The following KCNH8 variants were observed in gnomAD, a reference collection of about 807,000 sequenced individuals.
KCNH8 encodes the protein voltage-gated delayed rectifier potassium channel KCNH8.
In KCNH8, 70 loss-of-function variants were observed where a neutral mutation model predicts 103.6. The ratio of observed to expected loss-of-function variants is 0.68; its 90% CI spans 0.56 to 0.82. The LOEUF is 0.82. KCNH8 is among the 40% of genes least tolerant of loss of function. The pLI, the probability that KCNH8 is intolerant of heterozygous loss-of-function variation, is 0.00. For missense variants in KCNH8, 1,217 were observed against 1,329.9 expected (o/e 0.92, Z 1.32); for synonymous variants, 498 against 489.4 (o/e 1.02, Z -0.23).
intron 1 of KCNH8, among the ~76,000 whole-genome samples, chr3:19,150,450 A>G (rs2125177614): frequency 6.6e-6 from 1 of 152,238 alleles, no homozygotes; most frequent in Middle Eastern, 3.4e-3. Flanking sequence ...GTAATTGTTT[A>G]TCTCATTGCC....
Position 19,281,292 on chromosome 3 carries a change from T to C in KCNH8, c.405T>C (p.Asp135=), listed in dbSNP as rs1339802007. 6.2e-7 allele frequency: 1 copy of C among 1,610,044 alleles called. No individual in the cohort carries two copies. Residue 135 remains aspartate, a synonymous_variant, in exon 3 of 16, where the codon GAT becomes GAC. Coordinates refer to ENST00000328405, the MANE Select transcript of KCNH8 (RefSeq NM_144633.3). ...LFLASFKDIT[D]TKVKITPEDK... is the part of the protein sequence containing the mutation. ...TGGCCTCGTTCAAAGATATAACAGA[T>C]ACAAAAGTGAAGATTACTCCAGAAG...
chr3:19,351,461 A>G (rs1268785370), intron 5 of KCNH8, among the ~76,000 whole-genome samples: 1 of 152,172 alleles, frequency 6.6e-6, no homozygotes, highest in Non-Finnish European at 1.5e-5. Context: ...AAATGAAGGA[A>G]AAAATGTTAA....
chr3:19,275,628 A>G (rs150273082), intron 2 of KCNH8, among the ~76,000 whole-genome samples: 7 of 152,264 alleles, frequency 4.6e-5, no homozygotes, highest in African/African-American at 1.4e-4. Flanking sequence ...AAGAACCATT[A>G]CTTTCATCTC....
At chr3:19,411,597 A>G (rs1172064970) in intron 7 of KCNH8, among the ~76,000 whole-genome samples, 3 of 152,070 alleles carry the variant, frequency 2.0e-5, no homozygotes, top group Non-Finnish European at 4.4e-5. Context: ...ATATGATTCT[A>G]CACCTTGAAA....
chr3:19,153,450 A>C (rs887868173), intron 1 of KCNH8, among the ~76,000 whole-genome samples: 6 of 152,080 alleles, frequency 3.9e-5, no homozygotes, highest in Non-Finnish European at 5.9e-5. Context: ...GGCCAATGAG[A>C]CTGGCAAAGG....
In KCNH8 at chr3:19,438,304, G is replaced by T; in HGVS notation, c.1318G>T (p.Val440Phe). The change falls in exon 8 of 16, where the codon GTC becomes TTC. Residue 440 changes from valine (V) to phenylalanine (F), a missense_variant. Coordinates refer to ENST00000328405, the MANE Select transcript of KCNH8 (RefSeq NM_144633.3). ...CCTCACCAGCGTGGGTTTTGGGAAC[G>T]TCTCTGCTAATACAGATGCAGAAAA... ...SSLTSVGFGN[V>F]SANTDAEKIF... The T allele has an allele frequency of 1.2e-6, 2 of 1,614,068 alleles. No individual in the cohort carries two copies. Among genetic ancestry groups the T allele is most frequent in the Non-Finnish European group, 1.7e-6 (2 of 1,180,002 alleles).
intron 7 of KCNH8, among the ~76,000 whole-genome samples, chr3:19,414,175 C>T (rs555441614): frequency 6.6e-6 from 1 of 152,044 alleles, no homozygotes; most frequent in East Asian, 1.9e-4. Flanking sequence ...TCTGCTAGGC[C>T]CAGTAGCTTT....
At chr3:19,494,396 G>A (rs1575137306) in intron 11 of KCNH8, among the ~76,000 whole-genome samples, 1 of 152,008 alleles carries the variant, frequency 6.6e-6, no homozygotes, top group South Asian at 2.1e-4. Context: ...TTTGAAAACA[G>A]GAGTTTCCCT....
At chr3:19,242,909 C>A (rs1282102367) in intron 1 of KCNH8, among the ~76,000 whole-genome samples, 1 of 152,108 alleles carries the variant, frequency 6.6e-6, no homozygotes, top group Non-Finnish European at 1.5e-5. Context: ...CAAAACAAAA[C>A]CCATTTAGAT....
intron 2 of KCNH8, among the ~76,000 whole-genome samples, chr3:19,272,508 T>C (rs1575485645): frequency 6.6e-6 from 1 of 151,996 alleles, no homozygotes; most frequent in Non-Finnish European, 1.5e-5. Flanking sequence ...CTAAGACAGG[T>C]CTGTTCCTAG....
In KCNH8 at chr3:19,518,036, G is replaced by A. The variant is rs749713009; in HGVS notation, c.2581G>A (p.Glu861Lys). The A allele has an allele frequency of 6.2e-7, 1 of 1,612,354 alleles. No individual in the cohort carries two copies. Among genetic ancestry groups the A allele is most frequent in the African/African-American group, 1.3e-5 (1 of 74,946 alleles). ...IGAAVLFIKA[E>K]ETKQQINKLN... Reference sequence around the variant, plus strand: ...AGCTGCTGTTCTCTTCATCAAAGCAGAGGAGACCAAGCAGCAGATAAACAA... The same window carrying A: ...AGCTGCTGTTCTCTTCATCAAAGCAAAGGAGACCAAGCAGCAGATAAACAA... The change falls in exon 15 of 16, where the codon GAG becomes AAG. Residue 861 changes from glutamate to lysine, a missense_variant. Physicochemically the swap from Glu to Lys is moderately conservative, Grantham distance 56. Transcript: ENST00000328405.
intron 7 of KCNH8, among the ~76,000 whole-genome samples, chr3:19,402,460 C>T (rs1165039955): frequency 1.3e-5 from 2 of 151,506 alleles, no homozygotes; most frequent in East Asian, 1.9e-4. Context: ...CACTGGTGAG[C>T]GTAAATAAGA....
intron 7 of KCNH8, among the ~76,000 whole-genome samples, chr3:19,432,082 A>C (rs112466536): frequency 2.6e-4 from 39 of 152,228 alleles, no homozygotes; most frequent in African/African-American, 8.2e-4. Context: ...TACAAAGCTA[A>C]GGTAAACAAA....
At chr3:19,162,972 A>C (rs2063248456) in intron 1 of KCNH8, among the ~76,000 whole-genome samples, 1 of 152,106 alleles carries the variant, frequency 6.6e-6, no homozygotes, top group Non-Finnish European at 1.5e-5. Flanking sequence ...TTATTTTAGC[A>C]ACCATAGATA....
At chr3:19,423,260 T>C (rs2066977539) in intron 7 of KCNH8, among the ~76,000 whole-genome samples, 1 of 152,106 alleles carries the variant, frequency 6.6e-6, no homozygotes, top group African/African-American at 2.4e-5. Flanking sequence ...TTATTATTTC[T>C]CTTAAAATTA....
rs767931626 is a variant in KCNH8, at chr3:19,395,173, C to T, written c.1039C>T (p.Arg347Cys). The part of the protein sequence containing the change: ...RLLRLLQKLD[R>C]YSQHSTIVLT... ...TTTGCGTCTGCTGCAGAAGTTAGAC[C>T]GCTATTCCCAACACAGTACTATCGT... Residue 347 changes from arginine to cysteine, a missense_variant, in exon 7 of 16, where the codon CGC becomes TGC. Transcript: ENST00000328405. 14 of 1,611,218 alleles carry T rather than the reference C, an allele frequency of 8.7e-6. No homozygotes were observed. Among genetic ancestry groups the T allele is most frequent in the East Asian group, 4.5e-5 (2 of 44,788 alleles).
chr3:19,390,673 G>T, intron 6 of KCNH8, 35 bp downstream of exon 6: 2 of 1,576,924 alleles, frequency 1.3e-6, no homozygotes, highest in Non-Finnish European at 8.6e-7. Context: ...TGGCCTTTAA[G>T]GTTGATTTAT....
intron 11 of KCNH8, among the ~76,000 whole-genome samples, chr3:19,478,584 G>A (rs903483226): frequency 2.0e-5 from 3 of 151,978 alleles, no homozygotes; most frequent in Admixed American, 6.6e-5. Flanking sequence ...ATTACATTTG[G>A]TTTCTATACT....
intron 3 of KCNH8, among the ~76,000 whole-genome samples, chr3:19,321,601 A>G (rs550278264): frequency 3.3e-5 from 5 of 151,922 alleles, no homozygotes; most frequent in Non-Finnish European, 7.4e-5. Context: ...GACCTATCAT[A>G]TGGTCTATCT....
Sources: allele counts gnomAD v4.1 joint callset (sites outside exome capture counted in the v4.1 genomes callset), GRCh38; gene constraint gnomAD v4.1.1; transcripts MANE v1.5; gene names NCBI Gene and HGNC (gene_info 2026-07-23, HGNC 2026-07-21).